The following LMTK2 variants were observed in gnomAD, a reference collection of about 807,000 sequenced individuals.
LMTK2 encodes serine/threonine-protein kinase LMTK2.
Under a neutral mutation model 127.5 loss-of-function variants are expected in LMTK2, and 37 were observed. That is an observed-to-expected ratio of 0.29 (90% CI 0.22 to 0.38). LMTK2 has a LOEUF of 0.38. Ranked by LOEUF, LMTK2 falls within the 10% of genes least tolerant of loss-of-function variation. LMTK2 has a pLI of 1.00. For missense variants in LMTK2, 1,694 were observed against 1,920.3 expected (o/e 0.88, Z 2.20); for synonymous variants, 819 against 810.1 (o/e 1.01, Z -0.19).
At chr7:98,154,733 A>G in intron 4 of LMTK2, 25 bp from the exon 5 acceptor site, 2 of 1,448,510 alleles carry the variant, frequency 1.4e-6, no homozygotes, top group Non-Finnish European at 1.9e-6. Flanking sequence ...TGGAAATGAC[A>G]CAAAAAACTG....
In LMTK2 at chr7:98,191,834, C is replaced by T. The variant is rs754657250; in HGVS notation, c.1369C>T (p.Arg457Cys). 1.4e-5 allele frequency: 22 copies of T among 1,614,016 alleles called. No homozygotes were observed. Among genetic ancestry groups the T allele is most frequent in the Admixed American group, 1.0e-4 (6 of 59,998 alleles). Residue 457 changes from arginine to cysteine, a missense_variant, in exon 11 of 14, where the codon CGT (arginine) becomes TGT (cysteine). Coordinates refer to ENST00000297293, the MANE Select transcript of LMTK2 (RefSeq NM_014916.4). Reference protein sequence around the residue: ...LDHFARDRLGREMEEVLTVTE... With the variant: ...LDHFARDRLGCEMEEVLTVTE... ...CCACTTTGCCAGGGACCGGCTGGGTCGTGAAATGGAGGAAGTCCTCACCGT... is the reference window on the plus strand; with the variant it reads ...CCACTTTGCCAGGGACCGGCTGGGTTGTGAAATGGAGGAAGTCCTCACCGT...
intron 2 of LMTK2, among the ~76,000 whole-genome samples, chr7:98,138,797 C>A (rs1796634214): frequency 6.6e-6 from 1 of 152,182 alleles, no homozygotes. Flanking sequence ...TCATGCAAAG[C>A]TTTTTGAATC....
At chr7:98,120,785 CTG>C (rs1796349446) in intron 1 of LMTK2, among the ~76,000 whole-genome samples, 2 of 152,118 alleles carry the variant, frequency 1.3e-5, no homozygotes, top group Non-Finnish European at 2.9e-5. Context: ...TTACCTCAGA[CTG>C]TTATTAAAAT....
intron 7 of LMTK2, among the ~76,000 whole-genome samples, chr7:98,180,447 T>A (rs1019170727): frequency 6.6e-6 from 1 of 152,236 alleles, no homozygotes; most frequent in Admixed American, 6.5e-5. Context: ...CTCTAAGGGT[T>A]AAAGCCAAAA....
At chr7:98,131,126 A>G (rs1796514763) in intron 1 of LMTK2, among the ~76,000 whole-genome samples, 1 of 152,166 alleles carries the variant, frequency 6.6e-6, no homozygotes, top group African/African-American at 2.4e-5. Flanking sequence ...AGCAAATTCC[A>G]GACATCATTA....
chr7:98,197,427 C>T (rs1797639941), intron 11 of LMTK2, among the ~76,000 whole-genome samples: 3 of 152,236 alleles, frequency 2.0e-5, no homozygotes, highest in Admixed American at 1.3e-4. Context: ...AGCCTGGCAT[C>T]GCATTCGACT....
At chr7:98,204,824 C>T (rs1797764991) in intron 13 of LMTK2, among the ~76,000 whole-genome samples, 1 of 152,236 alleles carries the variant, frequency 6.6e-6, no homozygotes, top group Admixed American at 6.5e-5. Context: ...CCCTCCTCCG[C>T]ACTCTGTCTC....
intron 7 of LMTK2, among the ~76,000 whole-genome samples, chr7:98,176,269 C>T (rs940304302): frequency 6.6e-6 from 1 of 152,088 alleles, no homozygotes; most frequent in African/African-American, 2.4e-5. Flanking sequence ...AACATATTCT[C>T]CTCTGATGGG....
At chr7:98,151,877 C>T (rs1004926731) in intron 4 of LMTK2, among the ~76,000 whole-genome samples, 1 of 152,118 alleles carries the variant, frequency 6.6e-6, no homozygotes, top group African/African-American at 2.4e-5. Flanking sequence ...AATCCCTTTC[C>T]CTCCCAGAGG....
At position 98,193,945 on chromosome 7, in the gene LMTK2, A is replaced by C. The variant is rs146559556; in HGVS notation, c.3480A>C (p.Pro1160=). The C allele has an allele frequency of 3.1e-6, 5 of 1,614,024 alleles. No individual in the cohort carries two copies. The South Asian group carries it at 4.4e-5, about 14-fold the overall frequency. The change falls in exon 11 of 14, where the codon CCA becomes CCC. Residue 1160 remains proline (P), a synonymous_variant. Transcript: ENST00000297293. The surrounding 1 kb of genome is among the most constrained non-coding windows in gnomAD (Gnocchi z 4.1). ...DSCLEARKSQ[P]DESCLSALHN... ...GCCTGGAAGCCAGAAAGAGCCAGCC[A>C]GATGAAAGTTGTCTGTCTGCTTTGC...
Position 98,107,755 on chromosome 7 carries a change from T to G in LMTK2, c.103+475T>G, listed in dbSNP as rs529751888. On this transcript the variant is annotated intron_variant, in intron 1 of 13. Transcript: ENST00000297293. Reference sequence around the variant, plus strand: ...CTTATTCTGAAGTTGTAAATTGATTTTAGACGCTGTGCTTTTTATTCGGAA... The same window carrying G: ...CTTATTCTGAAGTTGTAAATTGATTGTAGACGCTGTGCTTTTTATTCGGAA... 9.8e-5 allele frequency among the ~76,000 whole-genome samples: 15 copies of G among 152,334 alleles called. No individual in the cohort carries two copies. The East Asian group carries it at 2.7e-3, about 27-fold the overall frequency.
intron 3 of LMTK2, among the ~76,000 whole-genome samples, chr7:98,147,778 C>T (rs1796795232): frequency 6.6e-6 from 1 of 152,194 alleles, no homozygotes; most frequent in African/African-American, 2.4e-5. Flanking sequence ...GAACACTTAA[C>T]TGTGCTTTTC....
At chr7:98,109,562 G>A (rs1018164615) in intron 1 of LMTK2, among the ~76,000 whole-genome samples, 4 of 151,876 alleles carry the variant, frequency 2.6e-5, no homozygotes, top group African/African-American at 9.7e-5. Context: ...TGACCAACAT[G>A]GTGAAATTCC....
At chr7:98,129,121 G>A (rs1405282257) in intron 1 of LMTK2, among the ~76,000 whole-genome samples, 1 of 152,152 alleles carries the variant, frequency 6.6e-6, no homozygotes, top group African/African-American at 2.4e-5. Context: ...CACCCAGGCT[G>A]TCACCCAGGC....
chr7:98,125,913 T>A (rs985105118), intron 1 of LMTK2, among the ~76,000 whole-genome samples: 1 of 152,166 alleles, frequency 6.6e-6, no homozygotes, highest in Non-Finnish European at 1.5e-5. Context: ...GGCCCAGCCG[T>A]CTCTCACCGC....
chr7:98,177,334 G>C (rs1797292150), intron 7 of LMTK2, among the ~76,000 whole-genome samples: 1 of 152,124 alleles, frequency 6.6e-6, no homozygotes, highest in African/African-American at 2.4e-5. Flanking sequence ...TATTATGTGA[G>C]AAAGACACAG....
chr7:98,141,500 A>G lies in LMTK2; in HGVS notation c.335A>G (p.Asn112Ser). ...GAGGTCTTCACACTTTCAGTACCAAATATTTCACTCCCAGCTCCCTCGCAA... is the reference window on the plus strand; with the variant it reads ...GAGGTCTTCACACTTTCAGTACCAAGTATTTCACTCCCAGCTCCCTCGCAA... ...PAEVFTLSVP[N>S]ISLPAPSQFQ... is the part of the protein sequence containing the mutation. The change falls in exon 3 of 14, where the codon AAT (asparagine) becomes AGT (serine). Residue 112 changes from asparagine to serine, a missense_variant. This residue lies in a region of LMTK2 where 203 missense variants were observed against 226.2 expected (regional missense o/e 0.90). Transcript: ENST00000297293. 4 of 1,614,090 alleles carry G rather than the reference A, an allele frequency of 2.5e-6. No homozygotes were observed. The highest frequency in any genetic ancestry group is 3.4e-6 in the Non-Finnish European group (4 of 1,179,976).
At chr7:98,150,504 A>G (rs1356732191) in intron 3 of LMTK2, among the ~76,000 whole-genome samples, 1 of 152,178 alleles carries the variant, frequency 6.6e-6, no homozygotes, top group Non-Finnish European at 1.5e-5. Flanking sequence ...GATCTCCTTC[A>G]TATTTATTCA....
intron 3 of LMTK2, among the ~76,000 whole-genome samples, chr7:98,147,180 G>A (rs1055308296): frequency 2.0e-5 from 3 of 151,178 alleles, no homozygotes; most frequent in Middle Eastern, 3.2e-3. Flanking sequence ...CTGTGTCTTC[G>A]GTTTTCTACA....
Sources: gnomAD v4.1 joint callset for allele counts (sites outside exome capture counted in the v4.1 genomes callset) on GRCh38, gnomAD v4.1.1 for gene constraint, gnomAD v4.1.1 regional missense constraint, Gnocchi (gnomAD v3.1) non-coding constraint, MANE v1.5 for transcripts, NCBI Gene and HGNC (gene_info 2026-07-23, HGNC 2026-07-21) for gene names.